Variants in CFAP97 observed in about 807,000 individuals in gnomAD.
CFAP97 encodes the protein cilia- and flagella-associated protein 97.
In CFAP97, 36 loss-of-function variants were observed where a neutral mutation model predicts 43.1. The ratio of observed to expected loss-of-function variants is 0.84; its 90% CI spans 0.64 to 1.10. The LOEUF is 1.10. Among genes scored for constraint, CFAP97 ranks in the 50% least tolerant of loss-of-function variants. The pLI, the probability that CFAP97 is intolerant of heterozygous loss-of-function variation, is 0.00. For missense variants in CFAP97, 657 were observed against 620.3 expected (o/e 1.06, Z -0.63); for synonymous variants, 228 against 225.7 (o/e 1.01, Z -0.09).
rs185018932 is a variant in CFAP97 at position 185,193,119 on chromosome 4, C to T, written c.-16-1907G>A. Among the ~76,000 whole-genome samples, 750 of 152,182 alleles carry T rather than the reference C, an allele frequency of 4.9e-3. 2 individuals are homozygous for T. Among genetic ancestry groups the T allele is most frequent in the Middle Eastern group, 0.014 (4 of 294 alleles). On this transcript the variant is annotated intron_variant, in intron 1 of 4. Coordinates refer to ENST00000458385, the MANE Select transcript of CFAP97 (RefSeq NM_020827.3). The stretch of plus-strand genomic sequence containing the variant: ...AGGCAGGGGACTGCATTTCTGGAGG[C>T]AAAGAGCCTGGATCAGCTTATTGTT...
chr4:185,192,780 A>G (rs3108235), intron 1 of CFAP97, among the ~76,000 whole-genome samples: 47 of 126,866 alleles, frequency 3.7e-4, no homozygotes, highest in Middle Eastern at 9.9e-3. Flanking sequence ...TCGCTCTGTC[A>G]CCCAGGCTGG....
intron 2 of CFAP97, among the ~76,000 whole-genome samples, chr4:185,177,924 G>A (rs1315878791): frequency 6.6e-6 from 1 of 152,106 alleles, no homozygotes; most frequent in South Asian, 2.1e-4. Flanking sequence ...CACAAAAATT[G>A]TAACTCTACT....
chr4:185,184,554 C>G (rs1355564334), intron 2 of CFAP97, among the ~76,000 whole-genome samples: 3 of 152,162 alleles, frequency 2.0e-5, no homozygotes, highest in Non-Finnish European at 4.4e-5. Context: ...CGGCTGCAGA[C>G]ATCTCCTAGC....
intron 2 of CFAP97, among the ~76,000 whole-genome samples, chr4:185,177,330 T>C (rs1197233120): frequency 6.6e-6 from 1 of 151,938 alleles, no homozygotes; most frequent in African/African-American, 2.4e-5. Flanking sequence ...GGAGAATTGC[T>C]TGAACCCAGG....
chr4:185,202,269 T>C (rs1009366083), intron 1 of CFAP97, among the ~76,000 whole-genome samples: 1 of 152,154 alleles, frequency 6.6e-6, no homozygotes, highest in African/African-American at 2.4e-5. Flanking sequence ...GAGGCTCATG[T>C]GCGGTGGCTC....
chr4:185,199,236 G>C (rs1423354491), intron 1 of CFAP97, among the ~76,000 whole-genome samples: 1 of 152,144 alleles, frequency 6.6e-6, no homozygotes, highest in Non-Finnish European at 1.5e-5. Flanking sequence ...GCCAGGAGTA[G>C]TGGCATGTAC....
chr4:185,201,309 G>A (rs1270389798), intron 1 of CFAP97, among the ~76,000 whole-genome samples: 1 of 127,154 alleles, frequency 7.9e-6, no homozygotes, highest in Non-Finnish European at 1.6e-5. Context: ...CCAGGCGACA[G>A]AGCAAGACTC....
intron 3 of CFAP97, among the ~76,000 whole-genome samples, chr4:185,165,735 C>T (rs1735042895): frequency 6.6e-6 from 1 of 152,190 alleles, no homozygotes; most frequent in Non-Finnish European, 1.5e-5. Context: ...TTAACCACTT[C>T]TAAGCATACA....
chr4:185,203,924 A>C lies in CFAP97; in HGVS notation c.-43T>G, dbSNP rs1163318912. 2.0e-5 allele frequency: 3 copies of C among 151,414 alleles called. No homozygotes were observed. Among genetic ancestry groups the C allele is most frequent in the South Asian group, 4.2e-4 (2 of 4,798 alleles). The allele number at this position is 151,414 out of a possible 1,614,324, so 9.4% of individuals were successfully genotyped here. ...TGAGAGCCGCGGCCACCACAGCCCC[A>C]CGCGCGGCGCTGGCGCACTCCCGCG... On this transcript the variant is annotated 5_prime_UTR_variant, in exon 1 of 5. Coordinates refer to ENST00000458385, the MANE Select transcript of CFAP97 (RefSeq NM_020827.3).
At chr4:185,210,174 G>C (rs1737507643), upstream of CFAP97, 1 of 984,786 alleles carries the variant, frequency 1.0e-6, no homozygotes, top group Non-Finnish European at 1.2e-6. The surrounding 1 kb of genome is among the most constrained non-coding windows in gnomAD (Gnocchi z 4.4). Flanking sequence ...TCGTCTGCCG[G>C]AGCCCGCGCG....
At chr4:185,182,816 C>T (rs369981230) in intron 2 of CFAP97, among the ~76,000 whole-genome samples, 6 of 152,102 alleles carry the variant, frequency 3.9e-5, no homozygotes, top group Non-Finnish European at 7.4e-5. Context: ...AAACAACAAA[C>T]GGGCTGGGCG....
At chr4:185,165,109 G>A (rs1275443356) in intron 3 of CFAP97, among the ~76,000 whole-genome samples, 1 of 152,140 alleles carries the variant, frequency 6.6e-6, no homozygotes, top group African/African-American at 2.4e-5. Flanking sequence ...AGCTTTTGCT[G>A]TTAAGAAGTC....
intron 1 of CFAP97, among the ~76,000 whole-genome samples, chr4:185,198,376 G>A (rs1199013167): frequency 6.6e-6 from 1 of 151,546 alleles, no homozygotes; most frequent in East Asian, 1.9e-4. Flanking sequence ...TGGGAAGGCA[G>A]AAGCTGCAGT....
rs898392340 is a variant in CFAP97 at position 185,191,659 on chromosome 4, G to A, written c.-16-447C>T. Among the ~76,000 whole-genome samples the A allele has an allele frequency of 2.0e-5, 3 of 152,228 alleles. 1 individual carries two copies. The highest frequency in any genetic ancestry group is 4.1e-4 in the South Asian group (2 of 4,826). ...ATCCTGGCCAACATGGTGAAACCCC[G>A]TCTCTACTAAAAATACAAAAATTAG... On this transcript the variant is annotated intron_variant, in intron 1 of 4. Transcript: ENST00000458385.
chr4:185,163,988 C>T (rs754778714), intron 4 of CFAP97, 41 bp downstream of exon 4: 1 of 1,560,544 alleles, frequency 6.4e-7, no homozygotes, highest in South Asian at 1.2e-5. Flanking sequence ...AAAAAGGATA[C>T]AAGATACAAA....
At chr4:185,209,746 C>T (rs767135843), upstream of CFAP97, 365 of 983,978 alleles carry the variant, frequency 3.7e-4, no homozygotes, top group Non-Finnish European at 4.3e-4. This position sits in a 1 kb window ranked among gnomAD's most constrained non-coding sequence, Gnocchi z 5.2. Context: ...GGCATGAGCG[C>T]GGGCTCCCCC....
intron 3 of CFAP97, among the ~76,000 whole-genome samples, chr4:185,172,052 T>A (rs1170696010): frequency 6.6e-6 from 1 of 152,224 alleles, no homozygotes; most frequent in Non-Finnish European, 1.5e-5. Flanking sequence ...AAATAATATT[T>A]CAGAATTCAT....
At chr4:185,176,781 A>C (rs181827287) in intron 2 of CFAP97, among the ~76,000 whole-genome samples, 52 of 152,310 alleles carry the variant, frequency 3.4e-4, no homozygotes, top group African/African-American at 1.1e-3. Context: ...TTCCAAAAAA[A>C]TGTCCTCAGC....
intron 2 of CFAP97, among the ~76,000 whole-genome samples, chr4:185,183,949 G>C (rs1735903442): frequency 6.6e-6 from 1 of 152,144 alleles, no homozygotes; most frequent in Admixed American, 6.5e-5. Context: ...TATAATTGGG[G>C]AACTGTTCAG....
Sources: gnomAD v4.1 joint callset for allele counts (sites outside exome capture counted in the v4.1 genomes callset) on GRCh38, gnomAD v4.1.1 for gene constraint, Gnocchi (gnomAD v3.1) non-coding constraint, MANE v1.5 for transcripts, NCBI Gene and HGNC (gene_info 2026-07-23, HGNC 2026-07-21) for gene names.